BBOX1: variants seen among roughly 807,000 people sequenced by gnomAD.
The protein encoded by BBOX1 is gamma-butyrobetaine hydroxylase 1, also known as gamma-butyrobetaine dioxygenase.
In BBOX1, 35 loss-of-function variants were observed where a neutral mutation model predicts 41.6. The observed-to-expected ratio is 0.84, with a 90% CI of 0.64 to 1.11. The LOEUF (loss-of-function observed/expected upper bound fraction) is 1.11. BBOX1 is among the 50% of genes most tolerant of loss of function. BBOX1 has a pLI of 0.00. For missense variants in BBOX1, 458 were observed against 460.6 expected (o/e 0.99, Z 0.05); for synonymous variants, 163 against 154.7 (o/e 1.05, Z -0.40).
intron 5 of BBOX1, among the ~76,000 whole-genome samples, chr11:27,108,609 T>C (rs1244966828): frequency 1.3e-5 from 2 of 152,070 alleles, no homozygotes; most frequent in African/African-American, 4.8e-5. Context: ...ATATAATGGA[T>C]TGTCTGACAC....
chr11:27,048,463 TGAG>T (rs1851560470), intron 2 of BBOX1, among the ~76,000 whole-genome samples: 1 of 112,228 alleles, frequency 8.9e-6, no homozygotes, highest in Non-Finnish European at 1.8e-5. Flanking sequence ...TGAATAATAT[TGAG>T]GTGTGTGTGT....
At chr11:27,092,261 T>A (rs1398513999) in intron 4 of BBOX1, among the ~76,000 whole-genome samples, 1 of 151,946 alleles carries the variant, frequency 6.6e-6, no homozygotes, top group Non-Finnish European at 1.5e-5. Flanking sequence ...CACAATGATA[T>A]TGAGATCGCA....
intron 4 of BBOX1, among the ~76,000 whole-genome samples, chr11:27,070,565 G>A (rs1857411839): frequency 6.6e-6 from 1 of 151,996 alleles, no homozygotes; most frequent in African/African-American, 2.4e-5. Context: ...TGTTTAATCT[G>A]ATATAAAAAT....
intron 8 of BBOX1, 113 bp from the exon 9 acceptor site, chr11:27,127,180 C>T (rs532943756): frequency 3.5e-6 from 4 of 1,145,260 alleles, no homozygotes; most frequent in Admixed American, 2.5e-5. Context: ...AAGAAATAAG[C>T]GATGATTCTT....
rs1856942811 is a variant in BBOX1 at position 27,055,272 on chromosome 11, C to T, written c.-38-121C>T. The T allele has an allele frequency of 1.4e-5, 9 of 622,974 alleles. 1 individual carries two copies. Among genetic ancestry groups the T allele is most frequent in the South Asian group, 4.7e-5 (2 of 42,982 alleles). 38.6% of individuals were successfully genotyped at this position (622,974 alleles called of 1,614,324 possible). ...AGGTCCCAGCGTCAATAAGTCAAACCGCAGACTCTGACAGCTGAGTGAATA... is the reference window on the plus strand; with the variant it reads ...AGGTCCCAGCGTCAATAAGTCAAACTGCAGACTCTGACAGCTGAGTGAATA... On this transcript the variant is annotated intron_variant, in intron 2 of 8. Transcript: ENST00000263182.
chr11:27,127,330 T>C lies in BBOX1; in HGVS notation c.1041T>C (p.His347=). 3 of 1,614,150 alleles carry C rather than the reference T, an allele frequency of 1.9e-6. No individual in the cohort carries two copies. Among genetic ancestry groups the C allele is most frequent in the South Asian group, 1.1e-5 (1 of 91,068 alleles). The stretch of plus-strand genomic sequence containing the variant: ...CTTTTGATAACTGGCGCTTACTTCA[T>C]GGCCGACGTAGCTATGAAGCAGGAA... ...VITFDNWRLL[H]GRRSYEAGTE... The change falls in exon 9 of 9, where the codon CAT becomes CAC. Residue 347 remains histidine, a synonymous_variant. Coordinates refer to ENST00000263182, the MANE Select transcript of BBOX1 (RefSeq NM_003986.3).
Position 27,127,544 on chromosome 11 carries a change from C to T in BBOX1, c.*91C>T. 7.2e-7 allele frequency: 1 copy of T among 1,391,432 alleles called. No homozygotes were observed. Among genetic ancestry groups the T allele is most frequent in the Non-Finnish European group, 9.7e-7 (1 of 1,027,470 alleles). 86.2% of individuals were successfully genotyped at this position (1,391,432 alleles called of 1,614,324 possible). On this transcript the variant is annotated 3_prime_UTR_variant, in exon 9 of 9. Transcript: ENST00000263182. ...CACAGACCATGATCTTTGTGATTTA[C>T]ATATAATTTCCTTAACAATGAACAT...
At chr11:27,126,820 C>CG (rs1314206138) in intron 8 of BBOX1, among the ~76,000 whole-genome samples, 5 of 151,914 alleles carry the variant, frequency 3.3e-5, no homozygotes, top group East Asian at 1.9e-4. Flanking sequence ...GGACTACAGG[C>CG]ACTGCCACCA....
At chr11:27,087,998 G>C (rs1858102826) in intron 4 of BBOX1, among the ~76,000 whole-genome samples, 1 of 151,866 alleles carries the variant, frequency 6.6e-6, no homozygotes, top group Non-Finnish European at 1.5e-5. Flanking sequence ...TGTGAATATG[G>C]TTAACTTTAC....
chr11:27,082,893 T>C (rs1857899664), intron 4 of BBOX1, among the ~76,000 whole-genome samples: 1 of 152,168 alleles, frequency 6.6e-6, no homozygotes, highest in African/African-American at 2.4e-5. Context: ...ACTATGTTAG[T>C]ATTAGTGTTT....
Position 27,079,257 on chromosome 11 carries a change from T to C in BBOX1, c.335-13911T>C, listed in dbSNP as rs375758799. Among the ~76,000 whole-genome samples, 30 of 152,242 alleles carry C rather than the reference T, an allele frequency of 2.0e-4. No homozygotes were observed. The South Asian group carries it at 2.3e-3, about 12-fold the overall frequency. On this transcript the variant is annotated intron_variant, in intron 4 of 8. Transcript: ENST00000263182. ...GACCTGGTAGATAGTTTCACTTCAA[T>C]AGAATTAAAGAAGGCAGTGAAGACT... is the stretch of plus-strand genomic sequence containing the variant.
At chr11:27,121,288 G>A (rs1217776859) in intron 7 of BBOX1, among the ~76,000 whole-genome samples, 1 of 152,126 alleles carries the variant, frequency 6.6e-6, no homozygotes, top group Non-Finnish European at 1.5e-5. Context: ...TATTAGGGGA[G>A]GAAGTCAGGT....
intron 5 of BBOX1, among the ~76,000 whole-genome samples, chr11:27,105,760 G>A (rs575657714): frequency 3.3e-5 from 5 of 152,124 alleles, no homozygotes; most frequent in Admixed American, 2.0e-4. Flanking sequence ...GATACTCCTC[G>A]AGAACAGCAG....
At chr11:27,072,788 T>G (rs1037906864) in intron 4 of BBOX1, among the ~76,000 whole-genome samples, 2 of 152,178 alleles carry the variant, frequency 1.3e-5, no homozygotes, top group Non-Finnish European at 2.9e-5. Flanking sequence ...CCATCTGATC[T>G]TTGACAAACC....
At chr11:27,062,309 G>T (rs184228679) in intron 4 of BBOX1, among the ~76,000 whole-genome samples, 2 of 152,294 alleles carry the variant, frequency 1.3e-5, no homozygotes, top group East Asian at 3.9e-4. Context: ...TGCCCTGCTT[G>T]GTCCTAAACC....
At chr11:27,055,780 A>G in intron 3 of BBOX1, 131 bp downstream of exon 3, 2 of 718,720 alleles carry the variant, frequency 2.8e-6, no homozygotes, top group East Asian at 2.8e-5. Flanking sequence ...TTTGTATAGT[A>G]CTTGGTGCGA....
intron 5 of BBOX1, among the ~76,000 whole-genome samples, chr11:27,095,021 A>C (rs1858388314): frequency 6.6e-6 from 1 of 151,984 alleles, no homozygotes; most frequent in Non-Finnish European, 1.5e-5. Flanking sequence ...CTGATAAGGA[A>C]ACTGAAGCGC....
intron 5 of BBOX1, among the ~76,000 whole-genome samples, chr11:27,096,989 T>C (rs527745908): frequency 2.7e-4 from 41 of 152,172 alleles, no homozygotes; most frequent in Non-Finnish European, 5.1e-4. Flanking sequence ...ACAATATTTT[T>C]TTATGCAACC....
chr11:27,066,144 T>A (rs892402897), intron 4 of BBOX1, among the ~76,000 whole-genome samples: 1 of 152,192 alleles, frequency 6.6e-6, no homozygotes, highest in African/African-American at 2.4e-5. Flanking sequence ...CAAAATAGAA[T>A]GGGCTTTCCT....
Sources: allele counts gnomAD v4.1 joint callset (sites outside exome capture counted in the v4.1 genomes callset), GRCh38; gene constraint gnomAD v4.1.1; transcripts MANE v1.5; gene names NCBI Gene and HGNC (gene_info 2026-07-23, HGNC 2026-07-21).